HSD17B12: variants seen among roughly 807,000 people sequenced by gnomAD.
HSD17B12 encodes hydroxysteroid 17-beta dehydrogenase 12, also known as very-long-chain 3-oxoacyl-CoA reductase.
Under a neutral mutation model 39.3 loss-of-function variants are expected in HSD17B12, and 32 were observed. The ratio of observed to expected loss-of-function variants is 0.81; its 90% CI spans 0.61 to 1.09. The LOEUF is 1.09. Ranked by LOEUF, HSD17B12 falls within the 50% of genes least tolerant of loss-of-function variation. HSD17B12 has a pLI of 0.00. For synonymous variants in HSD17B12, 150 were observed against 146.7 expected, an observed-to-expected ratio of 1.02 and a Z score of -0.16; for missense variants, 342 against 382.9, an observed-to-expected ratio of 0.89 and a Z score of 0.89.
the HSD17B12 span, chr11:43,644,363 G>C: frequency 1.3e-5 from 2 of 152,316 alleles, no homozygotes; most frequent in East Asian, 3.9e-4. Flanking sequence ...GGGCCTGTTA[G>C]TTGTGTTCCT....
At chr11:43,761,990 T>C (rs1357436520) in intron 3 of HSD17B12, among the ~76,000 whole-genome samples, 1 of 152,136 alleles carries the variant, frequency 6.6e-6, no homozygotes, top group Non-Finnish European at 1.5e-5. Context: ...ATAGAAGATA[T>C]TGTTGGAAAA....
intron 6 of HSD17B12, among the ~76,000 whole-genome samples, chr11:43,829,279 G>T (rs1951283566): frequency 6.6e-6 from 1 of 152,160 alleles, no homozygotes. Flanking sequence ...CAGTGTTTAT[G>T]TCAAGTTATT....
upstream of HSD17B12, among the ~76,000 whole-genome samples, chr11:43,676,233 GTGTA>G (rs906679609): frequency 2.7e-4 from 40 of 149,152 alleles, 1 homozygote; most frequent in Admixed American, 2.2e-3. Context: ...GTGTGTGTGT[GTGTA>G]TGTGTTAAGC....
At chr11:43,734,958 C>A (rs1220330826) in intron 1 of HSD17B12, among the ~76,000 whole-genome samples, 1 of 152,170 alleles carries the variant, frequency 6.6e-6, no homozygotes, top group African/African-American at 2.4e-5. Context: ...CCCTGGCAAC[C>A]ACTAATCTGC....
the HSD17B12 span, among the ~76,000 whole-genome samples, chr11:43,586,125 T>C: frequency 6.6e-6 from 1 of 152,206 alleles, no homozygotes; most frequent in Non-Finnish European, 1.5e-5. Flanking sequence ...AAGCATTTGC[T>C]ATCACTACCA....
In HSD17B12 at chr11:43,855,336, C is replaced by T; in HGVS notation, c.*88C>T. The T allele has an allele frequency of 1.5e-6, 1 of 677,252 alleles. No individual in the cohort carries two copies. The highest frequency in any genetic ancestry group is 2.4e-6 in the Non-Finnish European group (1 of 408,320). 42.0% of individuals were successfully genotyped at this position (677,252 alleles called of 1,614,324 possible). A position where few individuals can be genotyped will look rare whatever the true frequency, so the allele number is the denominator to read the frequency against. ...ACCCTACTGGTTTTGAAAATCTGAC[C>T]TTGTCATTTCAATAGTTATTAACAT... On this transcript the variant is annotated 3_prime_UTR_variant, in exon 11 of 11. Transcript: ENST00000278353.
At chr11:43,680,362 G>T (rs193088541), upstream of HSD17B12, among the ~76,000 whole-genome samples, 263 of 152,266 alleles carry the variant, frequency 1.7e-3, no homozygotes, top group African/African-American at 6.1e-3. Flanking sequence ...GTTAGCCACC[G>T]CGCCCTGCCT....
chr11:43,795,297 G>A (rs930604893), intron 3 of HSD17B12, among the ~76,000 whole-genome samples: 5 of 152,084 alleles, frequency 3.3e-5, no homozygotes, highest in African/African-American at 7.2e-5. Flanking sequence ...ACACACCATC[G>A]TTCTCAACTT....
chr11:43,634,847 T>G, the HSD17B12 span, among the ~76,000 whole-genome samples: 1 of 152,198 alleles, frequency 6.6e-6, no homozygotes, highest in Admixed American at 6.5e-5. Flanking sequence ...AGAACGCGTG[T>G]GTACTGTCAC....
chr11:43,788,949 A>G (rs114133696), intron 3 of HSD17B12, among the ~76,000 whole-genome samples: 4,166 of 152,300 alleles, frequency 0.027, 198 homozygotes, highest in African/African-American at 0.094. Context: ...GGGTCCCACA[A>G]ATTAAGTAGC....
In HSD17B12 at chr11:43,855,206, G is replaced by T; in HGVS notation, c.897G>T (p.Lys299Asn). 6.2e-7 allele frequency: 1 copy of T among 1,610,666 alleles called. No homozygotes were observed. Among genetic ancestry groups the T allele is most frequent in the Admixed American group, 1.7e-5 (1 of 59,354 alleles). Residue 299 changes from lysine to asparagine, a missense_variant, in exon 11 of 11, where the codon AAG becomes AAT. By Grantham distance (94) the Lys-to-Asn change is moderately conservative. Coordinates refer to ENST00000278353, the MANE Select transcript of HSD17B12 (RefSeq NM_016142.3). ...TGAAAATAGTCATGAATATGAACAA[G>T]TCTACACGGGCTCACTATCTGAAGA... is the stretch of plus-strand genomic sequence containing the variant. ...IYLKIVMNMN[K>N]STRAHYLKKT...
At chr11:43,825,795 C>T (rs1485246412) in intron 6 of HSD17B12, among the ~76,000 whole-genome samples, 1 of 152,198 alleles carries the variant, frequency 6.6e-6, no homozygotes, top group Non-Finnish European at 1.5e-5. Context: ...GCATGATAAC[C>T]ACTCTGCATT....
intron 1 of HSD17B12, chr11:43,719,209 C>T: frequency 1.5e-6 from 1 of 669,602 alleles, no homozygotes; most frequent in Non-Finnish European, 2.7e-6. Flanking sequence ...ATGCCTCTGT[C>T]AATTTCTGGT....
the HSD17B12 span, among the ~76,000 whole-genome samples, chr11:43,639,059 A>G: frequency 6.6e-6 from 1 of 152,204 alleles, no homozygotes; most frequent in African/African-American, 2.4e-5. Context: ...GGGTGAATCA[A>G]AGATAAGATT....
At chr11:43,837,129 C>G (rs1376127422) in intron 7 of HSD17B12, among the ~76,000 whole-genome samples, 2 of 152,136 alleles carry the variant, frequency 1.3e-5, no homozygotes, top group African/African-American at 4.8e-5. Context: ...GAAGTGGCAT[C>G]TCACCTAGAG....
chr11:43,728,266 A>T (rs1243940917), intron 1 of HSD17B12, among the ~76,000 whole-genome samples: 1 of 152,034 alleles, frequency 6.6e-6, no homozygotes, highest in Non-Finnish European at 1.5e-5. Flanking sequence ...GGGTTTCACC[A>T]TGTTGGCCGG....
At chr11:43,780,229 G>A (rs898907818) in intron 3 of HSD17B12, among the ~76,000 whole-genome samples, 6 of 152,106 alleles carry the variant, frequency 3.9e-5, no homozygotes, top group African/African-American at 1.4e-4. Flanking sequence ...GCAATGGCGT[G>A]TTCTCAGCTT....
chr11:43,737,192 G>T (rs1437241809), intron 1 of HSD17B12, among the ~76,000 whole-genome samples: 1 of 152,208 alleles, frequency 6.6e-6, no homozygotes, highest in African/African-American at 2.4e-5. Context: ...GTGGGTAGTG[G>T]CAGGGAATAG....
the HSD17B12 span, among the ~76,000 whole-genome samples, chr11:43,605,877 T>C: frequency 1.3e-5 from 2 of 152,212 alleles, no homozygotes; most frequent in Non-Finnish European, 2.9e-5. Context: ...TTTGGGAGTA[T>C]GTGTGTTTGA....
Sources: allele counts gnomAD v4.1 joint callset (sites outside exome capture counted in the v4.1 genomes callset), GRCh38; gene constraint gnomAD v4.1.1; transcripts MANE v1.5; gene names NCBI Gene and HGNC (gene_info 2026-07-23, HGNC 2026-07-21).